The following DYNC1I1 variants were observed in gnomAD, a reference collection of about 807,000 sequenced individuals.
DYNC1I1 encodes dynein cytoplasmic 1 intermediate chain 1.
Under a neutral mutation model 86.6 loss-of-function variants are expected in DYNC1I1, and 43 were observed. The ratio of observed to expected loss-of-function variants is 0.50; its 90% confidence interval spans 0.39 to 0.64. The LOEUF is 0.64. DYNC1I1 is among the 30% of genes least tolerant of loss of function. The pLI is 0.00. For missense variants in DYNC1I1, 604 were observed against 788.8 expected, an observed-to-expected ratio of 0.77 and a Z score of 2.81; for synonymous variants, 262 against 283.7, an observed-to-expected ratio of 0.92 and a Z score of 0.77.
chr7:96,069,137 C>T (rs777299541), intron 14 of DYNC1I1, among the ~76,000 whole-genome samples: 10 of 152,162 alleles, frequency 6.6e-5, no homozygotes, highest in Non-Finnish European at 1.2e-4. Context: ...CCTCCAGTCT[C>T]CTAATAAAGT....
In DYNC1I1 at chr7:96,017,095, A is replaced by G. The variant is rs142621986; in HGVS notation, c.970-11080A>G. 6.3e-3 allele frequency among the ~76,000 whole-genome samples: 959 copies of G among 152,238 alleles called. 14 individuals carry two copies. The highest frequency in any genetic ancestry group is 0.022 in the African/African-American group (904 of 41,540). On this transcript the variant is annotated intron_variant, in intron 10 of 16. Coordinates refer to ENST00000447467, the MANE Select transcript of DYNC1I1 (RefSeq NM_001135556.2). ...ATGCTGCCTACACTTTTTCCTGTCAAATTGGAACTCTTTCTTCTGTCTTGA... is the reference window on the plus strand; with the variant it reads ...ATGCTGCCTACACTTTTTCCTGTCAGATTGGAACTCTTTCTTCTGTCTTGA...
chr7:95,925,654 GA>G (rs1791726459), intron 6 of DYNC1I1, among the ~76,000 whole-genome samples: 3 of 152,064 alleles, frequency 2.0e-5, no homozygotes, highest in Admixed American at 2.0e-4. Flanking sequence ...CTAGAAAACA[GA>G]AAATAGCCAA....
chr7:96,065,842 C>T (rs1789966771), intron 14 of DYNC1I1, among the ~76,000 whole-genome samples: 1 of 152,188 alleles, frequency 6.6e-6, no homozygotes, highest in Non-Finnish European at 1.5e-5. Flanking sequence ...GTTTAAAATA[C>T]AGATCAGACC....
chr7:95,927,604 TG>T (rs1366454577), intron 6 of DYNC1I1, among the ~76,000 whole-genome samples: 2 of 152,068 alleles, frequency 1.3e-5, no homozygotes, highest in Non-Finnish European at 2.9e-5. Flanking sequence ...CGAAGAAGTA[TG>T]GGGATGGGGG....
At chr7:96,010,305 G>T (rs1193523444) in intron 10 of DYNC1I1, among the ~76,000 whole-genome samples, 5 of 152,134 alleles carry the variant, frequency 3.3e-5, no homozygotes, top group African/African-American at 1.2e-4. Flanking sequence ...GGAATGGTTA[G>T]GTTCGTTTGT....
chr7:95,792,640 A>C (rs1042195654), intron 1 of DYNC1I1, among the ~76,000 whole-genome samples: 1 of 152,218 alleles, frequency 6.6e-6, no homozygotes, highest in South Asian at 2.1e-4. Flanking sequence ...GAAGCCTCCC[A>C]TACCATGTAA....
At chr7:95,905,606 C>T (rs1162091809) in intron 6 of DYNC1I1, among the ~76,000 whole-genome samples, 1 of 152,036 alleles carries the variant, frequency 6.6e-6, no homozygotes, top group Non-Finnish European at 1.5e-5. Context: ...AGGGTTTATC[C>T]TCCATTTTAT....
downstream of DYNC1I1, among the ~76,000 whole-genome samples, chr7:96,099,636 GGA>G (rs540352035): frequency 1.3e-5 from 2 of 152,082 alleles, no homozygotes; most frequent in African/African-American, 4.8e-5. Context: ...CACATGGTGA[GGA>G]GAGAGAGAGA....
At chr7:95,821,624 G>A (rs1409007421) in intron 4 of DYNC1I1, among the ~76,000 whole-genome samples, 2 of 152,120 alleles carry the variant, frequency 1.3e-5, no homozygotes, top group Admixed American at 6.5e-5. Context: ...AACAAGAACC[G>A]ACCATGGGAT....
intron 4 of DYNC1I1, among the ~76,000 whole-genome samples, chr7:95,821,018 G>A (rs1795064155): frequency 6.6e-6 from 1 of 152,210 alleles, no homozygotes; most frequent in African/African-American, 2.4e-5. Flanking sequence ...GATATTAAGG[G>A]ATTTAGGGAG....
intron 6 of DYNC1I1, among the ~76,000 whole-genome samples, chr7:95,977,195 A>T (rs2051706): frequency 6.6e-6 from 1 of 152,100 alleles, no homozygotes; most frequent in Non-Finnish European, 1.5e-5. Flanking sequence ...TTCCTGGGCC[A>T]TCTTCGAAGA....
chr7:95,813,052 C>A, intron 3 of DYNC1I1, 195 bp from the exon 4 acceptor site: 1 of 1,238,330 alleles, frequency 8.1e-7, no homozygotes, highest in Non-Finnish European at 1.1e-6. Context: ...TTTTAATTTC[C>A]AAAATACAAA....
intron 14 of DYNC1I1, among the ~76,000 whole-genome samples, chr7:96,073,345 T>G (rs140886693): frequency 2.7e-3 from 413 of 152,282 alleles, no homozygotes; most frequent in African/African-American, 9.3e-3. Flanking sequence ...ACATGAACAA[T>G]AGCAGTTATT....
At chr7:95,952,615 T>G (rs1252096651) in intron 6 of DYNC1I1, among the ~76,000 whole-genome samples, 2 of 152,216 alleles carry the variant, frequency 1.3e-5, no homozygotes, top group Non-Finnish European at 2.9e-5. Context: ...CCCTGCTCAG[T>G]GCTTTTACGC....
At chr7:95,774,285 C>T (rs1793784529) in intron 1 of DYNC1I1, among the ~76,000 whole-genome samples, 1 of 152,134 alleles carries the variant, frequency 6.6e-6, no homozygotes, top group African/African-American at 2.4e-5. Context: ...CAGCATTTTA[C>T]TTTGTCTTCC....
chr7:95,861,402 G>A (rs1189571871), intron 5 of DYNC1I1, among the ~76,000 whole-genome samples: 1 of 152,160 alleles, frequency 6.6e-6, no homozygotes, highest in African/African-American at 2.4e-5. Flanking sequence ...TAATCTCAGA[G>A]TAGATATATC....
At chr7:95,834,950 G>GT (rs1431703752) in intron 5 of DYNC1I1, among the ~76,000 whole-genome samples, 2 of 150,138 alleles carry the variant, frequency 1.3e-5, no homozygotes, top group African/African-American at 2.5e-5. Flanking sequence ...TTTTTGAAGG[G>GT]TTTTTTGTGT....
chr7:95,988,011 T>A (rs1049901313), intron 9 of DYNC1I1, among the ~76,000 whole-genome samples: 6 of 152,198 alleles, frequency 3.9e-5, no homozygotes, highest in African/African-American at 1.4e-4. Context: ...AACTGATATT[T>A]CTACCTTCAT....
intron 15 of DYNC1I1, among the ~76,000 whole-genome samples, chr7:96,078,039 T>G (rs371032708): frequency 3.3e-4 from 50 of 152,276 alleles, no homozygotes; most frequent in African/African-American, 1.0e-3. Context: ...ACCGAACACT[T>G]TTTAAAACCT....
Sources: gnomAD v4.1 joint callset for allele counts (sites outside exome capture counted in the v4.1 genomes callset) on GRCh38, gnomAD v4.1.1 for gene constraint, MANE v1.5 for transcripts, NCBI Gene and HGNC (gene_info 2026-07-23, HGNC 2026-07-21) for gene names.